Variants in SPIDR observed in about 807,000 individuals in gnomAD.
SPIDR encodes scaffold protein involved in DNA repair.
In SPIDR, 93 loss-of-function variants were observed where a neutral mutation model predicts 104.6. The ratio of observed to expected loss-of-function variants is 0.89; its 90% confidence interval spans 0.75 to 1.06. The LOEUF (loss-of-function observed/expected upper bound fraction) is 1.06, where lower values mean the gene tolerates loss of function less well. SPIDR is among the 50% of genes least tolerant of loss of function. The probability of loss-of-function intolerance (pLI) is 0.00; values close to 1 mark genes in which losing one functional copy is unlikely to be tolerated. For synonymous variants in SPIDR, 431 were observed against 416.9 expected (o/e 1.03, Z -0.41); for missense variants, 1,154 against 1,111.2 (o/e 1.04, Z -0.55).
intron 6 of SPIDR, among the ~76,000 whole-genome samples, chr8:47,400,970 C>G (rs1294337448): frequency 6.6e-6 from 1 of 152,028 alleles, no homozygotes; most frequent in African/African-American, 2.4e-5. Flanking sequence ...CATTCAAATT[C>G]AGGAAATACA....
At chr8:47,284,532 ACT>A (rs2038437479) in intron 3 of SPIDR, among the ~76,000 whole-genome samples, 1 of 152,072 alleles carries the variant, frequency 6.6e-6, no homozygotes, top group South Asian at 2.1e-4. Flanking sequence ...GTAGTAGAAA[ACT>A]CTGTTCAAAC....
intron 4 of SPIDR, among the ~76,000 whole-genome samples, chr8:47,293,200 C>G (rs2040245825): frequency 6.6e-6 from 1 of 151,546 alleles, no homozygotes; most frequent in Non-Finnish European, 1.5e-5. Context: ...GATCATAGCT[C>G]ACCGCAGTTT....
chr8:47,315,267 C>G (rs2045102912), intron 5 of SPIDR, among the ~76,000 whole-genome samples: 1 of 152,024 alleles, frequency 6.6e-6, no homozygotes, highest in African/African-American at 2.4e-5. Context: ...AGTGTACATT[C>G]TATTCAAGTA....
At chr8:47,262,352 T>C (rs960598078) in intron 1 of SPIDR, among the ~76,000 whole-genome samples, 1 of 152,232 alleles carries the variant, frequency 6.6e-6, no homozygotes, top group Non-Finnish European at 1.5e-5. Flanking sequence ...TTAGTAGTCG[T>C]ACAGTTGTCT....
intron 10 of SPIDR, among the ~76,000 whole-genome samples, chr8:47,652,695 T>C (rs2071886950): frequency 6.6e-6 from 1 of 152,206 alleles, no homozygotes; most frequent in Admixed American, 6.5e-5. Flanking sequence ...AAAATTACCA[T>C]TGATATTTGA....
At chr8:47,529,540 C>G (rs1311530006) in intron 8 of SPIDR, among the ~76,000 whole-genome samples, 1 of 151,874 alleles carries the variant, frequency 6.6e-6, no homozygotes, top group Non-Finnish European at 1.5e-5. Context: ...CTAGCCCAGA[C>G]AAAAACTGAG....
At chr8:47,649,475 G>C (rs2071202584) in intron 10 of SPIDR, among the ~76,000 whole-genome samples, 1 of 152,114 alleles carries the variant, frequency 6.6e-6, no homozygotes, top group South Asian at 2.1e-4. Context: ...AGAGTATTAA[G>C]AGACATGACA....
intron 5 of SPIDR, among the ~76,000 whole-genome samples, chr8:47,295,946 CTTG>C (rs1197847754): frequency 1.3e-5 from 2 of 152,148 alleles, no homozygotes; most frequent in South Asian, 2.1e-4. Context: ...CTCACCAACG[CTTG>C]TTATCTTTCA....
rs779737868 is a variant in SPIDR at position 47,376,808 on chromosome 8, C to A, written c.526-19568C>A. ...CTTAAAAAAAAAAATTTTTTTTAAC[C>A]TAGTAAAGAAATTGAGAAACATCAT... is the stretch of plus-strand genomic sequence containing the variant. On this transcript the variant is annotated intron_variant, in intron 5 of 19. Coordinates refer to ENST00000297423, the MANE Select transcript of SPIDR (RefSeq NM_001080394.4). 2.6e-5 allele frequency among the ~76,000 whole-genome samples: 4 copies of A among 151,932 alleles called. No homozygotes were observed. In the South Asian group the frequency reaches 8.3e-4, roughly 32 times the overall value.
upstream of SPIDR, chr8:47,260,936 G>C (rs896032146): frequency 9.0e-6 from 11 of 1,227,042 alleles, no homozygotes; most frequent in Non-Finnish European, 9.1e-6. Flanking sequence ...AGGAGGCGGT[G>C]CGCTCAGGCG....
chr8:47,404,450 A>G (rs2062415087), intron 6 of SPIDR, among the ~76,000 whole-genome samples: 2 of 152,358 alleles, frequency 1.3e-5, no homozygotes, highest in African/African-American at 4.8e-5. Flanking sequence ...CAGTCTACCC[A>G]TCTGACAAAG....
chr8:47,286,927 A>G (rs2038952810), intron 3 of SPIDR, among the ~76,000 whole-genome samples: 2 of 152,102 alleles, frequency 1.3e-5, no homozygotes, highest in African/African-American at 2.4e-5. Context: ...TTGGTTTTAC[A>G]TGTCTCTTAA....
chr8:47,490,833 C>A (rs1233711604), intron 8 of SPIDR, among the ~76,000 whole-genome samples: 1 of 152,058 alleles, frequency 6.6e-6, no homozygotes, highest in Non-Finnish European at 1.5e-5. Flanking sequence ...ACATCACATA[C>A]CAGGGCCTGT....
intron 8 of SPIDR, among the ~76,000 whole-genome samples, chr8:47,520,160 T>C (rs1338168891): frequency 6.6e-6 from 1 of 152,204 alleles, no homozygotes; most frequent in East Asian, 1.9e-4. Flanking sequence ...TCCTGAAAAC[T>C]TATAAACAGG....
At chr8:47,359,486 A>G (rs1342864812) in intron 5 of SPIDR, among the ~76,000 whole-genome samples, 1 of 152,148 alleles carries the variant, frequency 6.6e-6, no homozygotes, top group Non-Finnish European at 1.5e-5. Context: ...CAAAAAGGAA[A>G]AAAGAGTTGA....
chr8:47,505,631 G>A (rs1312647426), intron 8 of SPIDR, among the ~76,000 whole-genome samples: 2 of 152,190 alleles, frequency 1.3e-5, no homozygotes, highest in Non-Finnish European at 2.9e-5. Context: ...TCGGTCCGCT[G>A]CGCCCACTTT....
intron 5 of SPIDR, among the ~76,000 whole-genome samples, chr8:47,313,663 T>C (rs953033373): frequency 2.6e-5 from 4 of 152,152 alleles, no homozygotes; most frequent in Non-Finnish European, 5.9e-5. Context: ...CTTCAAACTA[T>C]ACTACAAGGC....
intron 16 of SPIDR, among the ~76,000 whole-genome samples, chr8:47,716,270 A>G (rs1589467816): frequency 6.6e-6 from 1 of 152,210 alleles, no homozygotes; most frequent in African/African-American, 2.4e-5. Context: ...GGTTCAAAGC[A>G]TATCAAAATT....
chr8:47,421,906 G>T (rs1323614350), intron 7 of SPIDR, among the ~76,000 whole-genome samples: 1 of 152,234 alleles, frequency 6.6e-6, no homozygotes, highest in Non-Finnish European at 1.5e-5. Context: ...GGTATCAGCA[G>T]CGGAGGCTGC....
Sources: allele counts gnomAD v4.1 joint callset (sites outside exome capture counted in the v4.1 genomes callset), GRCh38; gene constraint gnomAD v4.1.1; transcripts MANE v1.5; gene names NCBI Gene and HGNC (gene_info 2026-07-23, HGNC 2026-07-21).